The following LDHA variants were observed in gnomAD, a reference collection of about 807,000 sequenced individuals.
LDHA encodes L-lactate dehydrogenase A chain.
A neutral mutation model predicts 36.3 loss-of-function variants in LDHA; 10 were observed. That is an observed-to-expected ratio of 0.28 (90% CI 0.17 to 0.47). The LOEUF is 0.47. LDHA is among the 20% of genes least tolerant of loss of function. The pLI is 0.99. For synonymous variants in LDHA, 110 were observed against 136.7 expected, an observed-to-expected ratio of 0.80 and a Z score of 1.36; for missense variants, 267 against 405.8, an observed-to-expected ratio of 0.66 and a Z score of 2.94.
intron 2 of LDHA, chr11:18,398,602 T>G (rs1590212497): frequency 2.0e-5 from 2 of 101,644 alleles, no homozygotes; most frequent in African/African-American, 3.6e-5. Flanking sequence ...GCCAGGCTGG[T>G]CTTTTTTTTT....
In LDHA at chr11:18,396,240, T is replaced by C. The variant is rs1866294389; in HGVS notation, c.-24-579T>C. On this transcript the variant is annotated intron_variant, in intron 1 of 7. Coordinates refer to ENST00000422447, the MANE Select transcript of LDHA (RefSeq NM_005566.4). ...TAATGCGCATGCGCACGCGCACAAG[T>C]TCCTGGGCCCGCCCATCTTCCGGAC... 4 of 316,200 alleles carry C rather than the reference T, an allele frequency of 1.3e-5. No homozygotes were observed. In the East Asian group the frequency reaches 1.9e-4, roughly 15 times the overall value. The allele number at this position is 316,200 out of a possible 1,614,324, so 19.6% of individuals were successfully genotyped here. A position where few individuals can be genotyped will look rare whatever the true frequency, so the allele number is the denominator to read the frequency against.
chr11:18,396,524 C>G (rs960887977), intron 1 of LDHA: 2 of 1,304,654 alleles, frequency 1.5e-6, no homozygotes, highest in Non-Finnish European at 2.0e-6. Context: ...AAAGGCCAGC[C>G]CCACTTGGGG....
intron 1 of LDHA, chr11:18,395,144 T>A (rs767969887): frequency 5.8e-5 from 10 of 173,820 alleles, no homozygotes; most frequent in Admixed American, 1.1e-4. Context: ...TGAGGGCAGC[T>A]GCTGCCTGCA....
chr11:18,399,248 CTATG>C (rs1866397949), intron 2 of LDHA, 179 bp from the exon 3 acceptor site: 2 of 587,976 alleles, frequency 3.4e-6, no homozygotes, highest in Admixed American at 2.6e-5. Context: ...TCAGTGCTAT[CTATG>C]TAGGGTGTAA....
intron 3 of LDHA, chr11:18,399,808 C>T (rs1256584646): frequency 2.4e-6 from 1 of 414,052 alleles, no homozygotes; most frequent in Non-Finnish European, 4.5e-6. Flanking sequence ...TTGCCCAGGC[C>T]TGTCTTGAAC....
chr11:18,401,079 T>C, intron 4 of LDHA, 69 bp downstream of exon 4: 2 of 561,136 alleles, frequency 3.6e-6, no homozygotes, highest in South Asian at 4.8e-5. Flanking sequence ...ATATATATTA[T>C]ATATATTTTA....
At position 18,407,918 on chromosome 11, in the gene LDHA, T is replaced by C. The variant is rs1486390298; in HGVS notation, c.*637T>C. 2.2e-6 allele frequency: 1 copy of C among 454,132 alleles called. No individual in the cohort carries two copies. The highest frequency in any genetic ancestry group is 2.3e-5 in the Admixed American group (1 of 42,564). The allele number at this position is 454,132 out of a possible 1,614,324, so 28.1% of individuals were successfully genotyped here. A position where few individuals can be genotyped will look rare whatever the true frequency, so the allele number is the denominator to read the frequency against. ...GCTAGTTATTATATTAATTTGGAAA[T>C]ATTAGGCTATTCTTGGGCAACCCTG... On this transcript the variant is annotated 3_prime_UTR_variant, in exon 8 of 8. Coordinates refer to ENST00000422447, the MANE Select transcript of LDHA (RefSeq NM_005566.4).
chr11:18,405,596 G>A (rs746810321), intron 7 of LDHA, 24 bp downstream of exon 7: 3 of 1,611,500 alleles, frequency 1.9e-6, no homozygotes, highest in African/African-American at 2.7e-5. Context: ...GTGATACGCT[G>A]CATTTGAATG....
intron 3 of LDHA, 35 bp from the exon 4 acceptor site, chr11:18,400,802 G>C (rs764045758): frequency 6.4e-7 from 1 of 1,571,094 alleles, no homozygotes; most frequent in East Asian, 2.2e-5. Context: ...TTATTCTAAA[G>C]GCCTTAATCT....
chr11:18,404,681 G>A (rs969838221), intron 6 of LDHA, among the ~76,000 whole-genome samples: 8 of 151,470 alleles, frequency 5.3e-5, no homozygotes, highest in African/African-American at 1.7e-4. Flanking sequence ...GGTGGCAGGC[G>A]CCTGTAGTCC....
At chr11:18,402,584 T>C (rs1866545521) in intron 4 of LDHA, 2 of 401,102 alleles carry the variant, frequency 5.0e-6, no homozygotes, top group Non-Finnish European at 9.4e-6. Context: ...AGGTGTGAGT[T>C]GTCATGCCCA....
rs16935411 is a variant in LDHA at position 18,402,731 on chromosome 11, A to C, written c.419-109A>C. ...CATATATCTGGAGTAGCCTATTATT[A>C]TCTAATGATCACCTAGTATCTGGTT... On this transcript the variant is annotated intron_variant, in intron 4 of 7. Coordinates refer to ENST00000422447, the MANE Select transcript of LDHA (RefSeq NM_005566.4). 4.8e-3 allele frequency: 4,074 copies of C among 841,102 alleles called. 113 individuals are homozygous for C. The African/African-American group carries it at 0.058, about 12-fold the overall frequency. The allele number at this position is 841,102 out of a possible 1,614,324, so 52.1% of individuals were successfully genotyped here.
Position 18,399,542 on chromosome 11 carries a change from G to C in LDHA, c.238G>C (p.Gly80Arg). ...LFLRTPKIVS[G>R]KDYNVTANSK... ...CCTTAGAACACCAAAGATTGTCTCT[G>C]GCAAAGGTTGATTTCAACAAGTTTA... is the stretch of plus-strand genomic sequence containing the variant. Residue 80 changes from glycine to arginine, a missense_variant, in exon 3 of 8, where the codon GGC (glycine) becomes CGC (arginine). By Grantham distance (125) the Gly-to-Arg change is moderately radical. Transcript: ENST00000422447. 6.3e-7 allele frequency: 1 copy of C among 1,589,088 alleles called. No homozygotes were observed. Among genetic ancestry groups the C allele is most frequent in the Middle Eastern group, 1.7e-4 (1 of 6,024 alleles).
chr11:18,396,187 AG>A (rs1866291096), intron 1 of LDHA: 2 of 215,368 alleles, frequency 9.3e-6, no homozygotes, highest in Non-Finnish European at 1.8e-5. Context: ...GGAGGCCGCT[AG>A]ACTAATCGGC....
chr11:18,406,254 G>A (rs1866679154), intron 7 of LDHA, among the ~76,000 whole-genome samples: 1 of 151,816 alleles, frequency 6.6e-6, no homozygotes, highest in African/African-American at 2.4e-5. Context: ...GTGAGCCACC[G>A]CACCTGGCCT....
chr11:18,397,043 GTATTAT>G, intron 2 of LDHA, 75 bp downstream of exon 2: 1 of 1,284,884 alleles, frequency 7.8e-7, no homozygotes, highest in South Asian at 1.2e-5. Context: ...CCCTAGAACT[GTATTAT>G]TACATTTCAT....
At position 18,402,907 on chromosome 11, in the gene LDHA, T is replaced by C. The variant is rs1866555957; in HGVS notation, c.486T>C (p.Gly162=). 4 of 1,612,082 alleles carry C rather than the reference T, an allele frequency of 2.5e-6. No homozygotes were observed. Among genetic ancestry groups the C allele is most frequent in the Admixed American group, 1.7e-5 (1 of 60,000 alleles). ...CCAAAAACCGTGTTATTGGAAGCGG[T>C]TGCAATCTGGATTCAGCCCGATTCC... ...GFPKNRVIGS[G]CNLDSARFRY... Residue 162 remains glycine (G), a synonymous_variant, in exon 5 of 8, where the codon GGT becomes GGC. Coordinates refer to ENST00000422447, the MANE Select transcript of LDHA (RefSeq NM_005566.4).
rs1384221214 is a variant in LDHA, at chr11:18,407,520, C to T, written c.*239C>T. 1 of 817,374 alleles carries T rather than the reference C, an allele frequency of 1.2e-6. No individual in the cohort carries two copies. Among genetic ancestry groups the T allele is most frequent in the African/African-American group, 1.7e-5 (1 of 59,358 alleles). The allele number at this position is 817,374 out of a possible 1,614,324, so 50.6% of individuals were successfully genotyped here. A position where few individuals can be genotyped will look rare whatever the true frequency, so the allele number is the denominator to read the frequency against. ...TTCAACTGGTTAGTGTGAAATAGTT[C>T]TGCCACCTCTGACGCACCACTGCCA... On this transcript the variant is annotated 3_prime_UTR_variant, in exon 8 of 8. Coordinates refer to ENST00000422447, the MANE Select transcript of LDHA (RefSeq NM_005566.4).
In LDHA at chr11:18,396,799, A is replaced by G. The variant is rs1293572297; in HGVS notation, c.-24-20A>G. The G allele has an allele frequency of 6.3e-7, 1 of 1,579,300 alleles. No individual in the cohort carries two copies. Among genetic ancestry groups the G allele is most frequent in the South Asian group, 1.2e-5 (1 of 86,170 alleles). ...ACATTAAAGAAGCTGTAGTGACACT[A>G]AATGTTTTTCCTCCTATAGATTCCT... On this transcript the variant is annotated intron_variant, in intron 1 of 7. Transcript: ENST00000422447.
Sources: gnomAD v4.1 joint callset for allele counts (sites outside exome capture counted in the v4.1 genomes callset) on GRCh38, gnomAD v4.1.1 for gene constraint, MANE v1.5 for transcripts, NCBI Gene and HGNC (gene_info 2026-07-23, HGNC 2026-07-21) for gene names.